Variants in ZNF850 observed in about 807,000 individuals in gnomAD.
ZNF850 encodes putative zinc finger protein ENSP00000330994.
ZNF850 carries 2 observed loss-of-function variants against 11.9 expected under a neutral mutation model. The observed-to-expected ratio is 0.17, with a 90% CI of 0.07 to 0.53. The LOEUF (loss-of-function observed/expected upper bound fraction) is 0.53, where lower values mean the gene tolerates loss of function less well. ZNF850 is among the 20% of genes least tolerant of loss of function. The pLI, the probability that ZNF850 is intolerant of heterozygous loss-of-function variation, is 0.94. For missense variants in ZNF850, 1,014 were observed against 1,316.4 expected (o/e 0.77, Z 3.55); for synonymous variants, 381 against 443.0 (o/e 0.86, Z 1.76).
At position 36,749,266 on chromosome 19, in the gene ZNF850, TAC is replaced by T. The variant is rs2040435407; in HGVS notation, c.1772_1773del (p.Cys591Ter). The T allele has an allele frequency of 6.3e-7, 1 of 1,577,378 alleles. No individual in the cohort carries two copies. The highest frequency in any genetic ancestry group is 1.8e-5 in the Admixed American group (1 of 54,654). On this transcript the variant is annotated frameshift_variant, in exon 5 of 5. Transcript: ENST00000591344. LOFTEE classifies it low-confidence loss of function (END_TRUNC). ...RIHTGEKPYH[C>X]KECGKSFTVG... ...ACAGTAAAAGATTTTCCACATTCCT[TAC>T]AGTGATAGGGTTTCTCACCAGTGTG...
chr19:36,755,237 G>A (rs764778642), intron 4 of ZNF850, among the ~76,000 whole-genome samples: 7 of 151,812 alleles, frequency 4.6e-5, no homozygotes, highest in Non-Finnish European at 7.4e-5. Flanking sequence ...ATTCTTTTTC[G>A]GTTTTTTTGA....
Position 36,748,596 on chromosome 19 carries a change from C to A in ZNF850, c.2444G>T (p.Cys815Phe). Residue 815 changes from cysteine (C) to phenylalanine (F), a missense_variant, in exon 5 of 5, where the codon TGC becomes TTC. Cys to Phe is a radical substitution (Grantham distance 205). Transcript: ENST00000591344. Reference protein sequence around the residue: ...PLHTGEKPYHCKECGKSFTLR... With the variant: ...PLHTGEKPYHFKECGKSFTLR... The stretch of plus-strand genomic sequence containing the variant: ...AGTAAAAGATTTCCCACATTCCTTG[C>A]AATGATAAGGTTTCTCACCAGTGTG... 1 of 1,537,164 alleles carries A rather than the reference C, an allele frequency of 6.5e-7. No homozygotes were observed. Among genetic ancestry groups the A allele is most frequent in the Non-Finnish European group, 8.7e-7 (1 of 1,146,908 alleles).
chr19:36,770,004 A>C lies in ZNF850; in HGVS notation c.-70+2721T>G, dbSNP rs549545364. ...TACGACCCCCTCTTTGGGTTCGATT[A>C]ATTTGCTAAAATAAAATGGCTCACA... is the stretch of plus-strand genomic sequence containing the variant. On this transcript the variant is annotated intron_variant, in intron 1 of 4. Coordinates refer to ENST00000591344, the MANE Select transcript of ZNF850 (RefSeq NM_001193552.2). Among the ~76,000 whole-genome samples, 6 of 152,314 alleles carry C rather than the reference A, an allele frequency of 3.9e-5. No homozygotes were observed. In the South Asian group the frequency reaches 6.2e-4, roughly 16 times the overall value.
chr19:36,750,339 A>G lies in ZNF850; in HGVS notation c.701T>C (p.Phe234Ser). ...TTGAATAAGATGTGAGCCAGAAATA[A>G]AAGCTTTTCCATATTCTTTACATGC... ...PCACKEYGKA[F>S]ISGSHLIQHQ... Residue 234 changes from phenylalanine to serine, a missense_variant, in exon 5 of 5, where the codon TTT (phenylalanine) becomes TCT (serine). By Grantham distance (155) the Phe-to-Ser change is radical. Around this residue, in one of 2 missense-constraint regions of ZNF850, gnomAD observed 835 missense variants for 1,022.0 expected, o/e 0.82. Coordinates refer to ENST00000591344, the MANE Select transcript of ZNF850 (RefSeq NM_001193552.2). 6.5e-7 allele frequency: 1 copy of G among 1,536,548 alleles called. No homozygotes were observed. The highest frequency in any genetic ancestry group is 2.4e-5 in the East Asian group (1 of 40,912).
chr19:36,755,548 A>G (rs2040480749), intron 4 of ZNF850, among the ~76,000 whole-genome samples: 1 of 152,132 alleles, frequency 6.6e-6, no homozygotes, highest in South Asian at 2.1e-4. Context: ...CTAAGTGATG[A>G]CAATAAAAAT....
chr19:36,759,752 G>T (rs2040507383), intron 4 of ZNF850, among the ~76,000 whole-genome samples: 1 of 152,026 alleles, frequency 6.6e-6, no homozygotes, highest in Non-Finnish European at 1.5e-5. Context: ...ATGTTCTATG[G>T]ATAAAGGGAA....
rs920192585 is a variant in ZNF850, at chr19:36,746,879, G to C, written c.*888C>G. ...ATAAAAAAACTATTACTAGCCAGGC[G>C]TGGTGGCTCACACCTGTAATCCCAG... On this transcript the variant is annotated 3_prime_UTR_variant, in exon 5 of 5. Coordinates refer to ENST00000591344, the MANE Select transcript of ZNF850 (RefSeq NM_001193552.2). The C allele has an allele frequency of 1.3e-5, 2 of 152,046 alleles. No individual in the cohort carries two copies. Among genetic ancestry groups the C allele is most frequent in the South Asian group, 4.1e-4 (2 of 4,820 alleles). 9.4% of individuals were successfully genotyped at this position (152,046 alleles called of 1,614,324 possible).
At chr19:36,772,445 G>T (rs1314224758) in intron 1 of ZNF850, among the ~76,000 whole-genome samples, 1 of 152,078 alleles carries the variant, frequency 6.6e-6, no homozygotes, top group Middle Eastern at 3.4e-3. Context: ...CGCACACAAG[G>T]TACTGCACAG....
chr19:36,769,895 C>T (rs2040571296), intron 1 of ZNF850, among the ~76,000 whole-genome samples: 1 of 152,196 alleles, frequency 6.6e-6, no homozygotes, highest in African/African-American at 2.4e-5. Flanking sequence ...AAGGGCTCAG[C>T]CCCCAAAACT....
At chr19:36,756,904 G>A (rs535601423) in intron 4 of ZNF850, among the ~76,000 whole-genome samples, 1 of 152,338 alleles carries the variant, frequency 6.6e-6, no homozygotes, top group African/African-American at 2.4e-5. Flanking sequence ...GTGAGCCACC[G>A]AGCCTGGCCT....
rs190568255 is a variant in ZNF850, at chr19:36,749,077, C to T, written c.1963G>A (p.Val655Ile). 6 of 1,602,698 alleles carry T rather than the reference C, an allele frequency of 3.7e-6. No homozygotes were observed. The highest frequency in any genetic ancestry group is 1.7e-5 in the Admixed American group (1 of 58,312). ...YQCQECGKAF[V>I]SVSGLTQHHR... ...TGTTGGGTGAGTCCTGAGACACTGA[C>T]AAAGGCTTTCCCACATTCCTGACAT... Residue 655 changes from valine (V) to isoleucine (I), a missense_variant, in exon 5 of 5, where the codon GTC becomes ATC. By Grantham distance (29) the Val-to-Ile change is conservative. This residue lies in a region of ZNF850 where 835 missense variants were observed against 1,022.0 expected (regional missense o/e 0.82). Coordinates refer to ENST00000591344, the MANE Select transcript of ZNF850 (RefSeq NM_001193552.2).
At chr19:36,753,657 A>T (rs2040468328) in intron 4 of ZNF850, among the ~76,000 whole-genome samples, 2 of 152,112 alleles carry the variant, frequency 1.3e-5, no homozygotes, top group South Asian at 2.1e-4. Context: ...AAAAAAAAAA[A>T]TAGCTTACAC....
rs771429649 is a variant in ZNF850 at position 36,749,191 on chromosome 19, A to T, written c.1849T>A (p.Tyr617Asn). The change falls in exon 5 of 5, where the codon TAT becomes AAT. Residue 617 changes from tyrosine to asparagine, a missense_variant. Transcript: ENST00000591344. ...HQQIHTGEKP[Y>N]DCKECGKAFR... is the part of the protein sequence containing the mutation. ...GCCTTCCCACATTCCTTACAATCAT[A>T]AGGTTTCTCACCAGTGTGAATTTGC... 10 of 1,604,864 alleles carry T rather than the reference A, an allele frequency of 6.2e-6. No homozygotes were observed. The highest frequency in any genetic ancestry group is 7.6e-6 in the Non-Finnish European group (9 of 1,177,284).
chr19:36,754,935 T>C (rs1454889820), intron 4 of ZNF850, among the ~76,000 whole-genome samples: 2 of 152,104 alleles, frequency 1.3e-5, no homozygotes, highest in African/African-American at 4.8e-5. Context: ...ACAGAGGATC[T>C]TTACATCAAA....
At chr19:36,763,661 A>G (rs1443974565) in intron 1 of ZNF850, among the ~76,000 whole-genome samples, 16 of 151,478 alleles carry the variant, frequency 1.1e-4, no homozygotes, top group Non-Finnish European at 2.9e-5. Context: ...GGGTGTGGTA[A>G]CCCACACCTG....
At chr19:36,764,907 G>A (rs1299090114) in intron 1 of ZNF850, among the ~76,000 whole-genome samples, 3 of 151,750 alleles carry the variant, frequency 2.0e-5, no homozygotes, top group Non-Finnish European at 4.4e-5. Flanking sequence ...GGCTGGTCTC[G>A]AACTCCTGGC....
At position 36,750,816 on chromosome 19, in the gene ZNF850, C is replaced by G; in HGVS notation, c.236-12G>C. The G allele has an allele frequency of 6.8e-7, 1 of 1,479,476 alleles. No individual in the cohort carries two copies. The highest frequency in any genetic ancestry group is 8.9e-7 in the Non-Finnish European group (1 of 1,121,528). The allele number at this position is 1,479,476 out of a possible 1,614,324, so 91.6% of individuals were successfully genotyped here. Reference sequence around the variant, plus strand: ...TCTAAACTCCGAGTCTGAAAAATAACCAGAAAGCAAAAACATAGCATTTCC... The same window carrying G: ...TCTAAACTCCGAGTCTGAAAAATAAGCAGAAAGCAAAAACATAGCATTTCC... On this transcript the variant is annotated splice_polypyrimidine_tract_variant and intron_variant, in intron 4 of 4. Transcript: ENST00000591344.
intron 1 of ZNF850, among the ~76,000 whole-genome samples, chr19:36,772,226 CTG>C (rs944200226): frequency 4.6e-5 from 7 of 152,146 alleles, no homozygotes. Flanking sequence ...ATTTTTCAGG[CTG>C]TTTCTCTGTT....
intron 1 of ZNF850, among the ~76,000 whole-genome samples, chr19:36,769,272 AAAAAAAAG>A (rs1408563905): frequency 2.0e-4 from 25 of 123,396 alleles, no homozygotes; most frequent in South Asian, 2.9e-4. Context: ...AAAAAAAAAA[AAAAAAAAG>A]AAAGAAAGAA....
Sources: gnomAD v4.1 joint callset for allele counts (sites outside exome capture counted in the v4.1 genomes callset) on GRCh38, gnomAD v4.1.1 for gene constraint, gnomAD v4.1.1 regional missense constraint, MANE v1.5 for transcripts, NCBI Gene and HGNC (gene_info 2026-07-23, HGNC 2026-07-21) for gene names.